Variants in PALD1 observed in about 807,000 individuals in gnomAD.
PALD1 encodes the protein paladin.
Under a neutral mutation model 96.0 loss-of-function variants are expected in PALD1, and 57 were observed. The observed-to-expected ratio is 0.59, with a 90% confidence interval of 0.48 to 0.74. The LOEUF (loss-of-function observed/expected upper bound fraction) is 0.74, where lower values mean the gene tolerates loss of function less well. Ranked by LOEUF, PALD1 falls within the 30% of genes least tolerant of loss-of-function variation. The pLI is 0.00. For missense variants in PALD1, 1,063 were observed against 1,143.7 expected (o/e 0.93, Z 1.02); for synonymous variants, 464 against 473.6 (o/e 0.98, Z 0.26).
intron 1 of PALD1, among the ~76,000 whole-genome samples, chr10:70,509,643 A>G (rs190653380): frequency 6.0e-4 from 91 of 152,272 alleles, no homozygotes; most frequent in African/African-American, 2.2e-3. Flanking sequence ...TGATGGATGT[A>G]CTGAAGGGGG....
chr10:70,476,658 G>T (rs1035817433), upstream of PALD1, among the ~76,000 whole-genome samples: 1 of 152,154 alleles, frequency 6.6e-6, no homozygotes, highest in African/African-American at 2.4e-5. Flanking sequence ...ACTGCAGGCT[G>T]TCCTGAGAAC....
At chr10:70,565,395 C>T (rs7098342) in intron 19 of PALD1, among the ~76,000 whole-genome samples, 21,374 of 152,216 alleles carry the variant, frequency 0.14, 1,607 homozygotes, top group South Asian at 0.18. Flanking sequence ...CTTGGCAAAG[C>T]GGCCTGTAAT....
upstream of PALD1, among the ~76,000 whole-genome samples, chr10:70,477,040 T>C (rs1564678061): frequency 5.4e-4 from 5 of 9,200 alleles, no homozygotes; most frequent in Admixed American, 3.1e-3. Context: ...TGCATACACA[T>C]GCACATGTAT....
At chr10:70,556,662 G>A (rs1317762841) in intron 18 of PALD1, among the ~76,000 whole-genome samples, 2 of 152,118 alleles carry the variant, frequency 1.3e-5, no homozygotes, top group African/African-American at 2.4e-5. Flanking sequence ...AGGGCAAGCT[G>A]GTATTTCCAT....
intron 1 of PALD1, among the ~76,000 whole-genome samples, chr10:70,493,471 T>C (rs776141855): frequency 9.2e-5 from 14 of 152,212 alleles, no homozygotes; most frequent in Admixed American, 3.9e-4. Context: ...TGTCTGTCTT[T>C]TGTGTCGCTT....
intron 1 of PALD1, among the ~76,000 whole-genome samples, chr10:70,502,991 C>T (rs551487617): frequency 1.8e-4 from 27 of 152,276 alleles, no homozygotes; most frequent in African/African-American, 5.8e-4. Flanking sequence ...AGCAATTCTC[C>T]AGCCTCAGCC....
At chr10:70,474,905 A>C (rs1845804296), upstream of PALD1, among the ~76,000 whole-genome samples, 1 of 152,200 alleles carries the variant, frequency 6.6e-6, no homozygotes, top group Non-Finnish European at 1.5e-5. Context: ...TCCCATGGGC[A>C]GATAGGGGAG....
At chr10:70,484,752 T>A (rs1845990108) in intron 1 of PALD1, among the ~76,000 whole-genome samples, 1 of 152,158 alleles carries the variant, frequency 6.6e-6, no homozygotes, top group Non-Finnish European at 1.5e-5. Context: ...TTGACCAGGT[T>A]GGTTTCAAAC....
chr10:70,528,034 G>T (rs1461857374), intron 2 of PALD1, among the ~76,000 whole-genome samples: 1 of 151,600 alleles, frequency 6.6e-6, no homozygotes, highest in Non-Finnish European at 1.5e-5. Context: ...TGCGGTGTTT[G>T]GTTTTTTGTC....
intron 1 of PALD1, among the ~76,000 whole-genome samples, chr10:70,514,049 G>A (rs1298572857): frequency 6.6e-6 from 1 of 152,236 alleles, no homozygotes; most frequent in Non-Finnish European, 1.5e-5. Flanking sequence ...TCCACTCAGT[G>A]GGCCGACCTG....
At position 70,531,311 on chromosome 10, in the gene PALD1, C is replaced by A; in HGVS notation, c.490C>A (p.Arg164=). The stretch of plus-strand genomic sequence containing the variant: ...GCAGGAGTGTGTCATCTTCTGTGTG[C>A]GGGAGGAACCTGTGCTTTTCCTGCG... ...GHRECVIFCV[R]EEPVLFLRAD... Residue 164 remains arginine, a synonymous_variant, in exon 5 of 20, where the codon CGG becomes AGG. Coordinates refer to ENST00000263563, the MANE Select transcript of PALD1 (RefSeq NM_014431.3). 1.2e-6 allele frequency: 2 copies of A among 1,613,422 alleles called. No homozygotes were observed. Among genetic ancestry groups the A allele is most frequent in the Non-Finnish European group, 1.7e-6 (2 of 1,179,590 alleles).
At chr10:70,467,353 T>G in the PALD1 span, among the ~76,000 whole-genome samples, 3 of 149,384 alleles carry the variant, frequency 2.0e-5, no homozygotes, top group Non-Finnish European at 4.4e-5. Flanking sequence ...TCTCAAATAT[T>G]TGAGGGGCAG....
Position 70,539,625 on chromosome 10 carries a change from G to A in PALD1, c.1771G>A (p.Gly591Ser). The A allele has an allele frequency of 6.2e-7, 1 of 1,613,230 alleles. No homozygotes were observed. The highest frequency in any genetic ancestry group is 8.5e-7 in the Non-Finnish European group (1 of 1,179,618). Residue 591 changes from glycine to serine, a missense_variant, in exon 15 of 20, where the codon GGC becomes AGC. Transcript: ENST00000263563. The surrounding 1 kb of genome is among the most constrained non-coding windows in gnomAD (Gnocchi z 4.5). ...GGCCCATCTAAGCGAGCCTCCCCCA[G>A]GCAAGGAGGGCCCCCTGACCTACAG... ...LKAHLSEPPP[G>S]KEGPLTYRFQ... is the part of the protein sequence containing the mutation.
At chr10:70,519,835 G>A (rs1347395824) in intron 1 of PALD1, among the ~76,000 whole-genome samples, 2 of 152,002 alleles carry the variant, frequency 1.3e-5, no homozygotes, top group South Asian at 2.1e-4. Context: ...TCAGCCTCCC[G>A]AAGTGCTGGG....
chr10:70,477,057 G>C (rs1314158578), upstream of PALD1, among the ~76,000 whole-genome samples: 1 of 151,872 alleles, frequency 6.6e-6, no homozygotes, highest in Non-Finnish European at 1.5e-5. Flanking sequence ...GTATGTAAAT[G>C]TATATTTTGC....
intron 18 of PALD1, among the ~76,000 whole-genome samples, chr10:70,554,596 G>A (rs186685540): frequency 5.3e-5 from 8 of 152,260 alleles, no homozygotes; most frequent in Middle Eastern, 3.4e-3. Flanking sequence ...AGCAGACTTC[G>A]TTGTTTCCTT....
At chr10:70,559,026 C>G (rs139428571) in intron 18 of PALD1, among the ~76,000 whole-genome samples, 2 of 152,224 alleles carry the variant, frequency 1.3e-5, no homozygotes, top group Middle Eastern at 3.4e-3. Flanking sequence ...GTAGGAGGGC[C>G]GTGTCCCTGG....
At chr10:70,494,250 A>C (rs371830176) in intron 1 of PALD1, among the ~76,000 whole-genome samples, 1 of 152,264 alleles carries the variant, frequency 6.6e-6, no homozygotes, top group East Asian at 1.9e-4. Flanking sequence ...TCTTCCCTGC[A>C]TCTCCTTGTA....
At chr10:70,499,669 A>T (rs779147756) in intron 1 of PALD1, among the ~76,000 whole-genome samples, 3 of 152,178 alleles carry the variant, frequency 2.0e-5, no homozygotes, top group Non-Finnish European at 2.9e-5. Flanking sequence ...TGGAGGTTTG[A>T]GGTGGTGGAG....
Sources: allele counts gnomAD v4.1 joint callset (sites outside exome capture counted in the v4.1 genomes callset), GRCh38; gene constraint gnomAD v4.1.1; non-coding constraint Gnocchi (gnomAD v3.1); transcripts MANE v1.5; gene names NCBI Gene and HGNC (gene_info 2026-07-23, HGNC 2026-07-21).